The following ERC2 variants were observed in gnomAD, a reference collection of about 807,000 sequenced individuals.
ERC2 encodes the protein ELKS/RAB6-interacting/CAST family member 2.
Under a neutral mutation model 114.8 loss-of-function variants are expected in ERC2, and 42 were observed. The ratio of observed to expected loss-of-function variants is 0.37; its 90% CI spans 0.29 to 0.47. ERC2 has a LOEUF of 0.47. Among genes scored for constraint, ERC2 ranks in the 20% least tolerant of loss-of-function variants. The pLI, the probability that ERC2 is intolerant of heterozygous loss-of-function variation, is 0.99. For synonymous variants in ERC2, 454 were observed against 425.5 expected, an observed-to-expected ratio of 1.07 and a Z score of -0.82; for missense variants, 939 against 1,150.7, an observed-to-expected ratio of 0.82 and a Z score of 2.66.
intron 3 of ERC2, among the ~76,000 whole-genome samples, chr3:56,250,220 AC>A (rs2052050532): frequency 6.6e-6 from 1 of 152,214 alleles, no homozygotes; most frequent in Non-Finnish European, 1.5e-5. Context: ...TTTGCACCAT[AC>A]CACCCAAAAA....
chr3:56,399,949 A>T (rs2106939517), intron 2 of ERC2, among the ~76,000 whole-genome samples: 1 of 152,318 alleles, frequency 6.6e-6, no homozygotes, highest in East Asian at 1.9e-4. Context: ...AATGGAAAAA[A>T]GTAAGTGAGC....
At chr3:55,847,408 C>T (rs773474290) in intron 14 of ERC2, among the ~76,000 whole-genome samples, 35 of 152,116 alleles carry the variant, frequency 2.3e-4, no homozygotes, top group African/African-American at 6.0e-4. Flanking sequence ...TAGTCATATG[C>T]GAGGGCTTGA....
intron 15 of ERC2, among the ~76,000 whole-genome samples, chr3:55,703,543 G>T (rs553422593): frequency 2.6e-5 from 4 of 152,192 alleles, no homozygotes; most frequent in Non-Finnish European, 5.9e-5. Context: ...GTAACTAACT[G>T]CAGGTTCACT....
At chr3:55,836,624 A>C (rs1044071493) in intron 14 of ERC2, among the ~76,000 whole-genome samples, 8 of 152,236 alleles carry the variant, frequency 5.3e-5, no homozygotes, top group African/African-American at 1.9e-4. Flanking sequence ...TAAAGACTTA[A>C]ACGTTAGACC....
chr3:56,429,651 T>C (rs1198968112), intron 2 of ERC2, among the ~76,000 whole-genome samples: 2 of 152,206 alleles, frequency 1.3e-5, no homozygotes, highest in East Asian at 1.9e-4. Context: ...CTCTTAGTAG[T>C]AGAGCAAATG....
At chr3:55,689,533 T>C (rs988478672) in intron 16 of ERC2, among the ~76,000 whole-genome samples, 11 of 152,172 alleles carry the variant, frequency 7.2e-5, no homozygotes, top group African/African-American at 2.2e-4. Context: ...TTATTTTCGC[T>C]CCTTCATCGA....
At chr3:55,987,109 TTTAAGA>T (rs2070698160) in intron 11 of ERC2, among the ~76,000 whole-genome samples, 1 of 152,098 alleles carries the variant, frequency 6.6e-6, no homozygotes, top group African/African-American at 2.4e-5. Context: ...AAAGAGAAAA[TTTAAGA>T]TTAACCACAC....
chr3:56,321,683 G>A (rs778246507), intron 2 of ERC2, among the ~76,000 whole-genome samples: 1 of 152,148 alleles, frequency 6.6e-6, no homozygotes, highest in Non-Finnish European at 1.5e-5. Flanking sequence ...TTGAGCCTAC[G>A]TTCTGTTTTT....
chr3:55,673,050 A>AG (rs2061629813), intron 17 of ERC2, among the ~76,000 whole-genome samples: 1 of 152,142 alleles, frequency 6.6e-6, no homozygotes, highest in Non-Finnish European at 1.5e-5. Flanking sequence ...CTGTGTCCCA[A>AG]GCCTGTTATA....
chr3:55,657,840 C>T (rs577532977), intron 17 of ERC2: 1 of 152,098 alleles, frequency 6.6e-6, no homozygotes, highest in Non-Finnish European at 1.5e-5. Flanking sequence ...AAAGGATGTG[C>T]TCAAAGGGTG....
chr3:56,137,531 A>T (rs1324141632), intron 6 of ERC2, among the ~76,000 whole-genome samples: 6 of 152,216 alleles, frequency 3.9e-5, no homozygotes, highest in Non-Finnish European at 8.8e-5. Flanking sequence ...CAGACAGTAA[A>T]TATTTTCAGC....
chr3:56,174,702 A>T (rs1266462697), intron 3 of ERC2, among the ~76,000 whole-genome samples: 1 of 152,200 alleles, frequency 6.6e-6, no homozygotes, highest in Admixed American at 6.5e-5. Flanking sequence ...ACATGGGATC[A>T]GGTGTGGTGG....
chr3:55,903,763 C>T (rs1055883180), intron 13 of ERC2, among the ~76,000 whole-genome samples: 2 of 152,216 alleles, frequency 1.3e-5, no homozygotes, highest in African/African-American at 4.8e-5. Flanking sequence ...ACTGTGTACG[C>T]ACAGCCAGGC....
chr3:55,590,725 G>C (rs976749999), intron 17 of ERC2, among the ~76,000 whole-genome samples: 2 of 152,200 alleles, frequency 1.3e-5, no homozygotes, highest in African/African-American at 4.8e-5. Context: ...GGAAAACATT[G>C]GGAAAGACAT....
In ERC2 at chr3:56,242,181, ATGGAGGCCATTTTTC is replaced by A. The variant is rs373892119; in HGVS notation, c.1074+53823_1074+53837del. On this transcript the variant is annotated intron_variant, in intron 3 of 17. Transcript: ENST00000288221. ...AATAATGGCCTTTGCAGCAACTTGG[ATGGAGGCCATTTTTC>A]TAAGTGAAGTAACTCAGGAATGGAA... 9.9e-3 allele frequency among the ~76,000 whole-genome samples: 1,501 copies of A among 152,280 alleles called. 24 individuals carry two copies. Among genetic ancestry groups the A allele is most frequent in the African/African-American group, 0.032 (1,336 of 41,552 alleles).
At chr3:56,377,857 AAAAAAACAAAAAAC>A in intron 2 of ERC2, among the ~76,000 whole-genome samples, 1 of 151,084 alleles carries the variant, frequency 6.6e-6, no homozygotes, top group African/African-American at 2.5e-5. Context: ...ATCTCCAAAA[AAAAAAACAAAAAAC>A]AAAAACAAAA....
At chr3:56,263,263 A>T (rs1194405655) in intron 3 of ERC2, among the ~76,000 whole-genome samples, 1 of 151,930 alleles carries the variant, frequency 6.6e-6, no homozygotes, top group Non-Finnish European at 1.5e-5. Context: ...CACTTCCCCC[A>T]TGAAGAGCAA....
At chr3:56,310,805 G>A (rs949540545) in intron 2 of ERC2, among the ~76,000 whole-genome samples, 1 of 151,944 alleles carries the variant, frequency 6.6e-6, no homozygotes, top group Non-Finnish European at 1.5e-5. Flanking sequence ...CAGACCTGCT[G>A]AATCAGAATC....
intron 17 of ERC2, among the ~76,000 whole-genome samples, chr3:55,536,256 T>C (rs1327669575): frequency 1.3e-5 from 2 of 152,176 alleles, no homozygotes; most frequent in Admixed American, 1.3e-4. Flanking sequence ...TCAAACTCAC[T>C]GTCCAGACCT....
Sources: allele counts gnomAD v4.1 joint callset (sites outside exome capture counted in the v4.1 genomes callset), GRCh38; gene constraint gnomAD v4.1.1; transcripts MANE v1.5; gene names NCBI Gene and HGNC (gene_info 2026-07-23, HGNC 2026-07-21).